The following ACVR1C variants were observed in gnomAD, a reference collection of about 807,000 sequenced individuals.
The protein encoded by ACVR1C is activin receptor type-1C.
In ACVR1C, 23 loss-of-function variants were observed where a neutral mutation model predicts 57.9. The observed-to-expected ratio is 0.40, with a 90% CI of 0.29 to 0.56. ACVR1C has a LOEUF of 0.56. ACVR1C is among the 20% of genes least tolerant of loss of function. The probability of loss-of-function intolerance (pLI) is 0.50; values close to 1 mark genes in which losing one functional copy is unlikely to be tolerated. For missense variants in ACVR1C, 480 were observed against 607.9 expected, an observed-to-expected ratio of 0.79 and a Z score of 2.21; for synonymous variants, 214 against 215.3, an observed-to-expected ratio of 0.99 and a Z score of 0.05.
At chr2:157,588,065 A>T (rs1688969794) in intron 1 of ACVR1C, among the ~76,000 whole-genome samples, 1 of 152,076 alleles carries the variant, frequency 6.6e-6, no homozygotes, top group African/African-American at 2.4e-5. Context: ...GAATCATTTG[A>T]ACAGACACCA....
intron 1 of ACVR1C, among the ~76,000 whole-genome samples, chr2:157,612,752 G>A (rs1049050770): frequency 7.2e-5 from 11 of 152,188 alleles, no homozygotes; most frequent in African/African-American, 1.7e-4. Flanking sequence ...GTGGACTAGA[G>A]TACTAAGGAG....
At chr2:157,540,982 C>CT in intron 7 of ACVR1C, 108 bp downstream of exon 7, 4 of 1,342,666 alleles carry the variant, frequency 3.0e-6, no homozygotes, top group Non-Finnish European at 4.1e-6. Context: ...CTCTTAAATA[C>CT]TAAGAAACTG....
intron 2 of ACVR1C, among the ~76,000 whole-genome samples, chr2:157,573,568 A>G (rs918247260): frequency 2.6e-5 from 4 of 151,792 alleles, no homozygotes; most frequent in Non-Finnish European, 5.9e-5. Context: ...TGAATAGTCT[A>G]TTTCCATATG....
intron 8 of ACVR1C, among the ~76,000 whole-genome samples, chr2:157,537,691 C>G (rs1427214935): frequency 6.6e-6 from 1 of 151,098 alleles, no homozygotes; most frequent in Non-Finnish European, 1.5e-5. Context: ...TAAAATATGG[C>G]AAAAAAAATA....
At chr2:157,556,576 G>C (rs1200631156) in intron 2 of ACVR1C, among the ~76,000 whole-genome samples, 1 of 150,568 alleles carries the variant, frequency 6.6e-6, no homozygotes, top group Non-Finnish European at 1.5e-5. Flanking sequence ...ATGGAAACTA[G>C]CACATGGGAT....
chr2:157,554,287 G>GAAAGAAAGAAAGAAAGGAAAGAAGGAAA (rs1558975256), intron 3 of ACVR1C, among the ~76,000 whole-genome samples: 1 of 126,234 alleles, frequency 7.9e-6, no homozygotes, highest in African/African-American at 3.6e-5. Flanking sequence ...AAGGAAGAGA[G>GAAAGAAAGAAAGAAAGGAAAGAAGGAAA]AGAGAGAGAG....
intron 2 of ACVR1C, among the ~76,000 whole-genome samples, chr2:157,586,729 A>T (rs1435166261): frequency 6.6e-6 from 1 of 152,184 alleles, no homozygotes; most frequent in Non-Finnish European, 1.5e-5. Context: ...TAGATAAAGA[A>T]GATATGCAGA....
At chr2:157,607,706 G>A (rs980934224) in intron 1 of ACVR1C, among the ~76,000 whole-genome samples, 12 of 151,440 alleles carry the variant, frequency 7.9e-5, no homozygotes, top group African/African-American at 2.9e-4. Flanking sequence ...TTATTCCTAT[G>A]TATTTTTGTA....
At chr2:157,553,235 C>A (rs907781967) in intron 3 of ACVR1C, among the ~76,000 whole-genome samples, 1 of 152,162 alleles carries the variant, frequency 6.6e-6, no homozygotes, top group African/African-American at 2.4e-5. Flanking sequence ...AGCCTCACTG[C>A]GGATACACCC....
intron 2 of ACVR1C, among the ~76,000 whole-genome samples, chr2:157,563,744 G>A (rs185457052): frequency 6.6e-6 from 1 of 152,160 alleles, no homozygotes; most frequent in Non-Finnish European, 1.5e-5. Flanking sequence ...AACCAAAACA[G>A]CATGGTACTG....
At chr2:157,544,695 T>C in intron 4 of ACVR1C, 83 bp from the exon 5 acceptor site, 1 of 1,223,698 alleles carries the variant, frequency 8.2e-7, no homozygotes, top group Non-Finnish European at 1.1e-6. Context: ...GTGTTTAATC[T>C]GTATTGTTAA....
At chr2:157,615,669 G>A (rs1374713117) in intron 1 of ACVR1C, among the ~76,000 whole-genome samples, 3 of 151,794 alleles carry the variant, frequency 2.0e-5, no homozygotes, top group Admixed American at 6.6e-5. Flanking sequence ...CTTATTTATT[G>A]GAAAATGTCT....
chr2:157,547,661 G>A (rs1311352518), intron 4 of ACVR1C, among the ~76,000 whole-genome samples: 3 of 135,844 alleles, frequency 2.2e-5, no homozygotes, highest in Admixed American at 7.5e-5. Context: ...TTTTTGATGG[G>A]GTTGTTTGTT....
rs1245553898 is a variant in ACVR1C, at chr2:157,526,847, T to C, written c.*7071A>G. On this transcript the variant is annotated 3_prime_UTR_variant, in exon 9 of 9. Coordinates refer to ENST00000243349, the MANE Select transcript of ACVR1C (RefSeq NM_145259.3). Reference sequence around the variant, plus strand: ...TGCAAGAAGTGCTTGATTTATTATCTTTCCCACTTTACAAAACAATACATT... The same window carrying C: ...TGCAAGAAGTGCTTGATTTATTATCCTTCCCACTTTACAAAACAATACATT... 1 of 152,222 alleles carries C rather than the reference T, an allele frequency of 6.6e-6. No homozygotes were observed. The highest frequency in any genetic ancestry group is 1.5e-5 in the Non-Finnish European group (1 of 68,034). 9.4% of individuals were successfully genotyped at this position (152,222 alleles called of 1,614,324 possible).
Position 157,533,767 on chromosome 2 carries a change from A to G in ACVR1C, c.*151T>C. On this transcript the variant is annotated 3_prime_UTR_variant, in exon 9 of 9. Transcript: ENST00000243349. ...AACTCCTGCCCATGCTTAACTTTAG[A>G]GTTATCTTTTCATGCTGCCTTATGG... is the stretch of plus-strand genomic sequence containing the variant. 1.6e-6 allele frequency: 1 copy of G among 621,644 alleles called. No homozygotes were observed. The highest frequency in any genetic ancestry group is 2.3e-6 in the Non-Finnish European group (1 of 426,242). The allele number at this position is 621,644 out of a possible 1,614,324, so 38.5% of individuals were successfully genotyped here.
In ACVR1C at chr2:157,628,727, C is replaced by T; in HGVS notation, c.-83G>A. ...GGCAGCACGGCCCGCTTTGAAGTTC[C>T]CGGGCCGCGGGAGGGGAGCGCGGCA... On this transcript the variant is annotated 5_prime_UTR_variant, in exon 1 of 9. Coordinates refer to ENST00000243349, the MANE Select transcript of ACVR1C (RefSeq NM_145259.3). The T allele has an allele frequency of 3.2e-6, 4 of 1,269,782 alleles. No individual in the cohort carries two copies. Among genetic ancestry groups the T allele is most frequent in the Non-Finnish European group, 4.2e-6 (4 of 959,470 alleles). 78.7% of individuals were successfully genotyped at this position (1,269,782 alleles called of 1,614,324 possible). A position where few individuals can be genotyped will look rare whatever the true frequency, so the allele number is the denominator to read the frequency against.
chr2:157,600,933 G>A (rs541488648), intron 1 of ACVR1C, among the ~76,000 whole-genome samples: 1 of 152,320 alleles, frequency 6.6e-6, no homozygotes, highest in African/African-American at 2.4e-5. Context: ...GGGAAAGGGA[G>A]CTGATGAATG....
intron 4 of ACVR1C, 142 bp from the exon 5 acceptor site, chr2:157,544,754 T>C (rs1687709074): frequency 1.6e-6 from 1 of 617,766 alleles, no homozygotes; most frequent in Admixed American, 3.5e-5. Context: ...TCCAAGTTAG[T>C]AAAGAAAAAA....
At chr2:157,536,172 T>C (rs867377950) in intron 8 of ACVR1C, among the ~76,000 whole-genome samples, 20 of 152,168 alleles carry the variant, frequency 1.3e-4, no homozygotes, top group Middle Eastern at 6.8e-3. Context: ...AAAAGCAAAG[T>C]GTAATGAAAG....
Sources: gnomAD v4.1 joint callset for allele counts (sites outside exome capture counted in the v4.1 genomes callset) on GRCh38, gnomAD v4.1.1 for gene constraint, MANE v1.5 for transcripts, NCBI Gene and HGNC (gene_info 2026-07-23, HGNC 2026-07-21) for gene names.